The following LDB2 variants were observed in gnomAD, a reference collection of about 807,000 sequenced individuals.
LDB2 encodes LIM domain-binding protein 2.
LDB2 carries 12 observed loss-of-function variants against 44.3 expected under a neutral mutation model. The observed-to-expected ratio is 0.27, with a 90% CI of 0.17 to 0.44. The LOEUF is 0.44. LDB2 is among the 20% of genes least tolerant of loss of function. The pLI is 1.00. For synonymous variants in LDB2, 164 were observed against 174.8 expected (o/e 0.94, Z 0.49); for missense variants, 344 against 473.5 (o/e 0.73, Z 2.54).
At chr4:16,640,369 G>A (rs1258021552) in intron 2 of LDB2, among the ~76,000 whole-genome samples, 1 of 152,174 alleles carries the variant, frequency 6.6e-6, no homozygotes, top group Non-Finnish European at 1.5e-5. Flanking sequence ...GTGGATTATA[G>A]ATCGTTAACT....
chr4:16,791,065 C>G (rs1003926354), intron 1 of LDB2, among the ~76,000 whole-genome samples: 2 of 152,310 alleles, frequency 1.3e-5, no homozygotes, highest in East Asian at 3.9e-4. Context: ...TCATTATCAA[C>G]TACCAGGTTA....
chr4:16,512,246 G>A (rs1475841993), intron 5 of LDB2, 142 bp from the exon 6 acceptor site: 9 of 762,562 alleles, frequency 1.2e-5, no homozygotes, highest in South Asian at 7.7e-5. Flanking sequence ...TAAATGTGAG[G>A]AAAAATAAAT....
At chr4:16,815,172 G>T (rs967531749) in intron 1 of LDB2, among the ~76,000 whole-genome samples, 1 of 152,178 alleles carries the variant, frequency 6.6e-6, no homozygotes, top group Non-Finnish European at 1.5e-5. Flanking sequence ...TTTGCCATTG[G>T]GAAGACAGTG....
At chr4:16,691,138 C>T (rs754679159) in intron 2 of LDB2, among the ~76,000 whole-genome samples, 5 of 152,152 alleles carry the variant, frequency 3.3e-5, no homozygotes, top group African/African-American at 7.2e-5. Flanking sequence ...AGGTCACCAA[C>T]GTCAAATAGC....
At chr4:16,842,334 C>G (rs1344956678) in intron 1 of LDB2, among the ~76,000 whole-genome samples, 1 of 151,914 alleles carries the variant, frequency 6.6e-6, no homozygotes, top group Non-Finnish European at 1.5e-5. Context: ...CTGAGAATGT[C>G]AGAGAGAGAA....
intron 2 of LDB2, among the ~76,000 whole-genome samples, chr4:16,613,856 T>G (rs1044190782): frequency 1.3e-5 from 2 of 152,226 alleles, no homozygotes; most frequent in Non-Finnish European, 2.9e-5. Flanking sequence ...AAGTAATTTA[T>G]AGATTCAATG....
intron 5 of LDB2, among the ~76,000 whole-genome samples, chr4:16,556,420 C>T (rs751695185): frequency 6.6e-6 from 1 of 152,124 alleles, no homozygotes; most frequent in Non-Finnish European, 1.5e-5. Context: ...TTTTAGAACC[C>T]CCAGGCTTTG....
At chr4:16,848,120 T>C (rs1787456077) in intron 1 of LDB2, among the ~76,000 whole-genome samples, 1 of 152,208 alleles carries the variant, frequency 6.6e-6, no homozygotes, top group African/African-American at 2.4e-5. Flanking sequence ...TTGTCTCTGT[T>C]TTTCTTACAC....
chr4:16,812,466 G>A (rs768126208), intron 1 of LDB2, among the ~76,000 whole-genome samples: 2 of 151,594 alleles, frequency 1.3e-5, no homozygotes, highest in African/African-American at 2.4e-5. Context: ...TCTGTCCACC[G>A]GGGGAGATAC....
At chr4:16,834,944 A>T (rs1358040047) in intron 1 of LDB2, among the ~76,000 whole-genome samples, 1 of 152,206 alleles carries the variant, frequency 6.6e-6, no homozygotes, top group African/African-American at 2.4e-5. Flanking sequence ...TGAACAACAG[A>T]TGAATATATT....
intron 2 of LDB2, among the ~76,000 whole-genome samples, chr4:16,758,461 C>T (rs182829989): frequency 1.3e-5 from 2 of 152,166 alleles, no homozygotes; most frequent in African/African-American, 4.8e-5. Context: ...ACATTAATTG[C>T]TTTTGTGCTG....
chr4:16,871,632 T>TA (rs1221072949), intron 1 of LDB2, among the ~76,000 whole-genome samples: 1 of 151,294 alleles, frequency 6.6e-6, no homozygotes, highest in Non-Finnish European at 1.5e-5. Flanking sequence ...TTTTTTTTTT[T>TA]TTTTTGAGAC....
rs371604309 is a variant in LDB2 at position 16,672,822 on chromosome 4, G to T, written c.236-76947C>A. Among the ~76,000 whole-genome samples the T allele has an allele frequency of 2.6e-4, 18 of 68,624 alleles. No homozygotes were observed. The South Asian group carries it at 5.0e-3, about 19-fold the overall frequency. 45.0% of individuals were successfully genotyped at this position (68,624 alleles called of 152,430 possible). On this transcript the variant is annotated intron_variant, in intron 2 of 7. Transcript: ENST00000304523. ...AGAAGAACTGCTTGCGTGCCTGCCT[G>T]CCTGCCTTCTTTCCTTCCTTCCTTC...
At chr4:16,528,636 A>G (rs1168815689) in intron 5 of LDB2, among the ~76,000 whole-genome samples, 2 of 152,378 alleles carry the variant, frequency 1.3e-5, no homozygotes, top group East Asian at 1.9e-4. Flanking sequence ...GGAGGGCAGC[A>G]GGCCTTCAAA....
intron 2 of LDB2, among the ~76,000 whole-genome samples, chr4:16,640,487 G>T (rs1415083739): frequency 6.6e-6 from 1 of 152,180 alleles, no homozygotes; most frequent in East Asian, 1.9e-4. Flanking sequence ...AGGGATGAAT[G>T]CTCAGTCTTC....
At chr4:16,611,642 G>A (rs1725665164) in intron 2 of LDB2, among the ~76,000 whole-genome samples, 4 of 151,906 alleles carry the variant, frequency 2.6e-5, no homozygotes, top group Admixed American at 1.3e-4. Context: ...GGTAAACGGA[G>A]CAATTCAACA....
chr4:16,577,418 T>C (rs1712121283), intron 5 of LDB2, among the ~76,000 whole-genome samples: 1 of 152,118 alleles, frequency 6.6e-6, no homozygotes, highest in Admixed American at 6.5e-5. Flanking sequence ...AGTCCCACTT[T>C]TCTATGCCAA....
intron 2 of LDB2, among the ~76,000 whole-genome samples, chr4:16,730,033 C>T (rs890544642): frequency 1.3e-5 from 2 of 152,148 alleles, no homozygotes; most frequent in African/African-American, 2.4e-5. Flanking sequence ...CTAAAAACAA[C>T]AGGCTCTGCA....
At position 16,618,583 on chromosome 4, in the gene LDB2, C is replaced by T. The variant is rs147283094; in HGVS notation, c.236-22708G>A. On this transcript the variant is annotated intron_variant, in intron 2 of 7. Transcript: ENST00000304523. ...CGCACATATACAGTTATTGACTGAA[C>T]GTGACATGGAGTTGTGTTTGGTAGG... Among the ~76,000 whole-genome samples the T allele has an allele frequency of 2.8e-3, 431 of 152,190 alleles. 4 individuals are homozygous for T. The highest frequency in any genetic ancestry group is 0.02 in the Middle Eastern group (6 of 294).
Sources: allele counts gnomAD v4.1 joint callset (sites outside exome capture counted in the v4.1 genomes callset), GRCh38; gene constraint gnomAD v4.1.1; transcripts MANE v1.5; gene names NCBI Gene and HGNC (gene_info 2026-07-23, HGNC 2026-07-21).